Variants in PDE1C observed in about 807,000 individuals in gnomAD.
The protein encoded by PDE1C is dual specificity calcium/calmodulin-dependent 3',5'-cyclic nucleotide phosphodiesterase 1C.
Under a neutral mutation model 93.1 loss-of-function variants are expected in PDE1C, and 62 were observed. The observed-to-expected ratio is 0.67, with a 90% CI of 0.54 to 0.82. The LOEUF is 0.82. Ranked by LOEUF, PDE1C falls within the 40% of genes least tolerant of loss-of-function variation. PDE1C has a pLI of 0.00. For missense variants in PDE1C, 742 were observed against 884.6 expected (o/e 0.84, Z 2.04); for synonymous variants, 325 against 310.1 (o/e 1.05, Z -0.50).
At chr7:32,294,860 T>G in intron 1 of PDE1C, among the ~76,000 whole-genome samples, 1 of 152,210 alleles carries the variant, frequency 6.6e-6, no homozygotes. Context: ...GTCATCAGGA[T>G]AATTACTTGC....
At chr7:32,061,632 G>A (rs193075700) in intron 1 of PDE1C, among the ~76,000 whole-genome samples, 1 of 152,348 alleles carries the variant, frequency 6.6e-6, no homozygotes, top group East Asian at 1.9e-4. Context: ...CGTGATGAGG[G>A]CTCATCCCAT....
At chr7:32,292,083 C>T (rs1400439418) in intron 1 of PDE1C, among the ~76,000 whole-genome samples, 2 of 152,238 alleles carry the variant, frequency 1.3e-5, no homozygotes, top group East Asian at 3.9e-4. Flanking sequence ...TTTTGAATGT[C>T]TTGACTGTGC....
chr7:31,982,964 G>T (rs1812588721), intron 2 of PDE1C, among the ~76,000 whole-genome samples: 2 of 152,156 alleles, frequency 1.3e-5, no homozygotes, highest in African/African-American at 2.4e-5. Flanking sequence ...CTGAGAAAAT[G>T]GGAATCCACA....
intron 3 of PDE1C, among the ~76,000 whole-genome samples, chr7:32,110,923 C>T (rs62458870): frequency 0.2 from 30,859 of 152,114 alleles, 3,784 homozygotes; most frequent in Middle Eastern, 0.31. Flanking sequence ...ATTGAACATA[C>T]TTTCACAAAT....
intron 1 of PDE1C, among the ~76,000 whole-genome samples, chr7:32,058,480 G>A (rs552746581): frequency 3.9e-5 from 6 of 152,310 alleles, no homozygotes; most frequent in East Asian, 1.9e-4. Context: ...GGATCTGAAC[G>A]ATCATCTGAT....
chr7:31,693,554 T>G, the PDE1C span, among the ~76,000 whole-genome samples: 1 of 152,146 alleles, frequency 6.6e-6, no homozygotes, highest in Non-Finnish European at 1.5e-5. Context: ...ATCTTCAACA[T>G]GGAGAAAAGA....
At chr7:32,139,920 A>AC (rs11369211) in intron 3 of PDE1C, among the ~76,000 whole-genome samples, 104,088 of 151,926 alleles carry the variant, frequency 0.69, 36,372 homozygotes, top group Middle Eastern at 0.8. Context: ...CTAAGGCCTA[A>AC]CCATCATGCT....
At chr7:32,111,149 AT>A (rs1013257272) in intron 3 of PDE1C, among the ~76,000 whole-genome samples, 1 of 152,168 alleles carries the variant, frequency 6.6e-6, no homozygotes, top group African/African-American at 2.4e-5. Flanking sequence ...CATTTTCCAA[AT>A]CAGGCTCATA....
chr7:31,798,198 A>G (rs749459746), intron 16 of PDE1C, among the ~76,000 whole-genome samples: 14 of 151,840 alleles, frequency 9.2e-5, no homozygotes, highest in Non-Finnish European at 1.3e-4. Flanking sequence ...CACATTGTAC[A>G]TCAGTAAACT....
the PDE1C span, among the ~76,000 whole-genome samples, chr7:31,680,617 G>A: frequency 3.3e-3 from 510 of 152,276 alleles, no homozygotes; most frequent in African/African-American, 0.012. Context: ...GGAATTTAAC[G>A]GAAGGTAGCT....
At chr7:32,120,112 G>A in intron 3 of PDE1C, among the ~76,000 whole-genome samples, 1 of 152,202 alleles carries the variant, frequency 6.6e-6, no homozygotes, top group East Asian at 1.9e-4. Flanking sequence ...CCACACACCA[G>A]CTGTGTTAGA....
chr7:32,375,693 T>A (rs1050677215), intron 1 of PDE1C, among the ~76,000 whole-genome samples: 1 of 152,266 alleles, frequency 6.6e-6, no homozygotes, highest in Non-Finnish European at 1.5e-5. Context: ...GTCACACAAC[T>A]TGGCTTCTAG....
At chr7:32,132,014 T>C (rs932793362) in intron 3 of PDE1C, among the ~76,000 whole-genome samples, 1 of 152,144 alleles carries the variant, frequency 6.6e-6, no homozygotes, top group Admixed American at 6.6e-5. Flanking sequence ...TGTTAAATCA[T>C]TGTTTGATTG....
In PDE1C at chr7:32,207,001, T is replaced by C. The variant is rs554793022; in HGVS notation, c.136+2488A>G. On this transcript the variant is annotated intron_variant, in intron 2 of 18. Transcript: ENST00000396193. The stretch of plus-strand genomic sequence containing the variant: ...CACTTCTAGGAGAATGACTTCCCCA[T>C]GTTACTGTATGTGCCCACAGTTGCT... Among the ~76,000 whole-genome samples the C allele has an allele frequency of 4.6e-5, 7 of 152,308 alleles. No homozygotes were observed. In the South Asian group the frequency reaches 1.5e-3, roughly 32 times the overall value.
the PDE1C span, among the ~76,000 whole-genome samples, chr7:31,715,528 G>A: frequency 1.3e-5 from 2 of 152,162 alleles, no homozygotes; most frequent in African/African-American, 4.8e-5. Context: ...TGTGAGCCAC[G>A]GCATCCAGCC....
the PDE1C span, among the ~76,000 whole-genome samples, chr7:31,696,753 A>G: frequency 6.6e-6 from 1 of 152,218 alleles, no homozygotes; most frequent in South Asian, 2.1e-4. Context: ...GCTAAAATAA[A>G]ATCAAGCATG....
chr7:32,065,086 G>C (rs1290126320), intron 1 of PDE1C, among the ~76,000 whole-genome samples: 2 of 151,732 alleles, frequency 1.3e-5, no homozygotes, highest in Non-Finnish European at 2.9e-5. Context: ...GCCAGTGAGG[G>C]GGAGGTGGTG....
At chr7:32,247,078 ACAC>A (rs1809014919) in intron 1 of PDE1C, among the ~76,000 whole-genome samples, 1 of 152,252 alleles carries the variant, frequency 6.6e-6, no homozygotes, top group Admixed American at 6.5e-5. Context: ...GGAGTGAATA[ACAC>A]TGGGAGAATC....
chr7:31,921,053 C>T (rs867557256), intron 2 of PDE1C, among the ~76,000 whole-genome samples: 1 of 152,196 alleles, frequency 6.6e-6, no homozygotes, highest in Non-Finnish European at 1.5e-5. Context: ...CAAACTCAGG[C>T]TACTGAAAAA....
Sources: allele counts gnomAD v4.1 joint callset (sites outside exome capture counted in the v4.1 genomes callset), GRCh38; gene constraint gnomAD v4.1.1; transcripts MANE v1.5; gene names NCBI Gene and HGNC (gene_info 2026-07-23, HGNC 2026-07-21).